Variants in KCNIP4 observed in about 807,000 individuals in gnomAD.
KCNIP4 encodes the protein Kv channel-interacting protein 4.
A neutral mutation model predicts 34.0 loss-of-function variants in KCNIP4; 12 were observed. The ratio of observed to expected loss-of-function variants is 0.35; its 90% CI spans 0.23 to 0.57. KCNIP4 has a LOEUF of 0.57. Ranked by LOEUF, KCNIP4 falls within the 20% of genes least tolerant of loss-of-function variation. The pLI is 0.83. For synonymous variants in KCNIP4, 124 were observed against 102.2 expected (o/e 1.21, Z -1.29); for missense variants, 238 against 311.7 (o/e 0.76, Z 1.78).
At chr4:21,495,387 G>A (rs1732769474) in intron 1 of KCNIP4, among the ~76,000 whole-genome samples, 1 of 152,156 alleles carries the variant, frequency 6.6e-6, no homozygotes. Flanking sequence ...AAGTGCCTCT[G>A]AGATACCTTC....
chr4:20,921,926 T>C (rs1006451763), intron 1 of KCNIP4, among the ~76,000 whole-genome samples: 1 of 152,242 alleles, frequency 6.6e-6, no homozygotes, highest in Non-Finnish European at 1.5e-5. Context: ...CATCCATAAC[T>C]ATAATAGTTA....
intron 3 of KCNIP4, among the ~76,000 whole-genome samples, chr4:20,800,454 T>G (rs549567145): frequency 1.1e-3 from 166 of 152,272 alleles, no homozygotes; most frequent in Non-Finnish European, 2.2e-3. Context: ...AATTTACAAA[T>G]TGCCTGAAGA....
intron 1 of KCNIP4, among the ~76,000 whole-genome samples, chr4:21,829,551 T>C (rs567313439): frequency 2.0e-4 from 30 of 151,976 alleles, no homozygotes; most frequent in Non-Finnish European, 3.5e-4. Context: ...TTTTAAAGAA[T>C]AGAATACAAG....
At chr4:21,382,554 T>G (rs1196913725) in intron 1 of KCNIP4, among the ~76,000 whole-genome samples, 1 of 151,954 alleles carries the variant, frequency 6.6e-6, no homozygotes, top group Non-Finnish European at 1.5e-5. Flanking sequence ...AATCTATTAT[T>G]CAAAAACATA....
intron 1 of KCNIP4, among the ~76,000 whole-genome samples, chr4:21,810,716 TC>T (rs1721599988): frequency 3.7e-5 from 3 of 81,620 alleles, no homozygotes; most frequent in Non-Finnish European, 7.6e-5. Context: ...AAAAAAAAAA[TC>T]AGAGAGAATT....
At chr4:21,409,977 T>C (rs537201140) in intron 1 of KCNIP4, among the ~76,000 whole-genome samples, 7 of 152,236 alleles carry the variant, frequency 4.6e-5, no homozygotes, top group African/African-American at 1.7e-4. Flanking sequence ...CCTGGTTGAA[T>C]GGGAACATAT....
At chr4:21,818,267 G>A (rs1300707698) in intron 1 of KCNIP4, among the ~76,000 whole-genome samples, 1 of 152,134 alleles carries the variant, frequency 6.6e-6, no homozygotes, top group Admixed American at 6.6e-5. Flanking sequence ...TCTCCCATAT[G>A]CCCCTCAGCT....
chr4:21,533,965 G>T (rs909250828), intron 1 of KCNIP4, among the ~76,000 whole-genome samples: 2 of 152,138 alleles, frequency 1.3e-5, no homozygotes, highest in Non-Finnish European at 2.9e-5. Flanking sequence ...CTACTTAAAT[G>T]ATGGTAACAG....
Position 21,498,248 on chromosome 4 carries a change from T to G in KCNIP4, c.61+450323A>C, listed in dbSNP as rs574931664. ...GAATTAACTGAGAAAAAATTTTCGT[T>G]ACCCACCAAGAAACTTTTTTCTTTT... On this transcript the variant is annotated intron_variant, in intron 1 of 8. Coordinates refer to ENST00000382152, the MANE Select transcript of KCNIP4 (RefSeq NM_025221.6). Among the ~76,000 whole-genome samples the G allele has an allele frequency of 3.9e-5, 6 of 152,312 alleles. No individual in the cohort carries two copies. In the South Asian group the frequency reaches 1.2e-3, roughly 32 times the overall value.
chr4:21,069,511 T>C (rs1456469086), intron 1 of KCNIP4, among the ~76,000 whole-genome samples: 1 of 152,186 alleles, frequency 6.6e-6, no homozygotes, highest in African/African-American at 2.4e-5. Flanking sequence ...GTGTGTTGTC[T>C]TCTAGCAGTT....
intron 1 of KCNIP4, among the ~76,000 whole-genome samples, chr4:21,930,571 T>C (rs1729508362): frequency 6.6e-6 from 1 of 152,112 alleles, no homozygotes; most frequent in Admixed American, 6.6e-5. Flanking sequence ...ACTGCCAGTA[T>C]TCAAGCCACA....
intron 1 of KCNIP4, among the ~76,000 whole-genome samples, chr4:21,200,109 G>A (rs1405893897): frequency 6.6e-6 from 1 of 151,822 alleles, no homozygotes; most frequent in East Asian, 1.9e-4. Context: ...GTTAATGGGT[G>A]CAGCACACCA....
At position 21,757,665 on chromosome 4, in the gene KCNIP4, A is replaced by T. The variant is rs979422791; in HGVS notation, c.61+190906T>A. On this transcript the variant is annotated intron_variant, in intron 1 of 8. Transcript: ENST00000382152. ...TTTACCAATTTCTAGCAACAAAAAT[A>T]TCATTTATTTGAACTTCCTTTTTTG... Among the ~76,000 whole-genome samples the T allele has an allele frequency of 4.6e-5, 7 of 152,228 alleles. 1 individual carries two copies. The highest frequency in any genetic ancestry group is 8.8e-5 in the Non-Finnish European group (6 of 68,044).
intron 1 of KCNIP4, chr4:21,851,613 T>C (rs1356779564): frequency 6.6e-6 from 1 of 152,164 alleles, no homozygotes; most frequent in Non-Finnish European, 1.5e-5. Context: ...TGTGATTCCA[T>C]AGCACATAGC....
At chr4:21,930,221 T>TA (rs1437137783) in intron 1 of KCNIP4, among the ~76,000 whole-genome samples, 1 of 152,142 alleles carries the variant, frequency 6.6e-6, no homozygotes, top group Admixed American at 6.6e-5. Context: ...AAAACTTCTC[T>TA]ACTCCTACTT....
intron 1 of KCNIP4, among the ~76,000 whole-genome samples, chr4:20,924,067 A>G (rs1221541285): frequency 6.6e-6 from 1 of 152,182 alleles, no homozygotes; most frequent in Non-Finnish European, 1.5e-5. Flanking sequence ...ATTCTGACTC[A>G]GGGATATATT....
At chr4:21,512,538 A>G (rs1443914726) in intron 1 of KCNIP4, among the ~76,000 whole-genome samples, 1 of 152,132 alleles carries the variant, frequency 6.6e-6, no homozygotes, top group Non-Finnish European at 1.5e-5. Context: ...GTACTTCTCC[A>G]CAGTGTGGCA....
At chr4:21,303,505 C>CTAAA (rs1711989685) in intron 1 of KCNIP4, among the ~76,000 whole-genome samples, 1 of 152,122 alleles carries the variant, frequency 6.6e-6, no homozygotes, top group Non-Finnish European at 1.5e-5. Context: ...TCAGTATGGA[C>CTAAA]TAAATACTCT....
intron 1 of KCNIP4, among the ~76,000 whole-genome samples, chr4:21,689,310 T>C (rs977716494): frequency 2.4e-4 from 36 of 152,172 alleles, no homozygotes; most frequent in Admixed American, 5.2e-4. Context: ...TTAATTTGAA[T>C]AAAACTAATA....
Sources: allele counts gnomAD v4.1 joint callset (sites outside exome capture counted in the v4.1 genomes callset), GRCh38; gene constraint gnomAD v4.1.1; transcripts MANE v1.5; gene names NCBI Gene and HGNC (gene_info 2026-07-23, HGNC 2026-07-21).